EZH2: variants seen among roughly 807,000 people sequenced by gnomAD.
EZH2 encodes the protein histone-lysine N-methyltransferase EZH2.
In EZH2, 18 loss-of-function variants were observed where a neutral mutation model predicts 98.4. The ratio of observed to expected loss-of-function variants is 0.18; its 90% CI spans 0.13 to 0.27. The LOEUF (loss-of-function observed/expected upper bound fraction) is 0.27, where lower values mean the gene tolerates loss of function less well. Ranked by LOEUF, EZH2 falls within the 10% of genes least tolerant of loss-of-function variation. The pLI is 1.00. For synonymous variants in EZH2, 338 were observed against 312.3 expected (o/e 1.08, Z -0.87); for missense variants, 470 against 935.1 (o/e 0.50, Z 6.49).
At chr7:148,855,323 A>G (rs1816632774) in intron 1 of EZH2, among the ~76,000 whole-genome samples, 2 of 152,234 alleles carry the variant, frequency 1.3e-5, no homozygotes, top group African/African-American at 4.8e-5. Context: ...TAAACTAATA[A>G]GAGAAGAGTT....
intron 3 of EZH2, among the ~76,000 whole-genome samples, chr7:148,841,178 G>C (rs1812326376): frequency 6.6e-6 from 1 of 150,478 alleles, no homozygotes; most frequent in Non-Finnish European, 1.5e-5. Context: ...TATCACAAAT[G>C]ACCTTTTTTT....
At chr7:148,837,217 G>A (rs879854143) in intron 3 of EZH2, among the ~76,000 whole-genome samples, 5 of 152,190 alleles carry the variant, frequency 3.3e-5, no homozygotes, top group Admixed American at 2.0e-4. Flanking sequence ...CCATATAGTA[G>A]GGGAAAACAT....
At chr7:148,876,459 ACTT>A in intron 1 of EZH2, among the ~76,000 whole-genome samples, 1 of 152,196 alleles carries the variant, frequency 6.6e-6, no homozygotes, top group Non-Finnish European at 1.5e-5. Flanking sequence ...TGTAAATTAT[ACTT>A]CAATACAGTT....
chr7:148,868,828 A>G (rs1264325086), intron 1 of EZH2, among the ~76,000 whole-genome samples: 1 of 152,230 alleles, frequency 6.6e-6, no homozygotes, highest in Non-Finnish European at 1.5e-5. Context: ...AGACTAAGGC[A>G]CCCAATAAGA....
Position 148,814,900 on chromosome 7 carries a change from C to T in EZH2, c.1672+14G>A, listed in dbSNP as rs780777139. On this transcript the variant is annotated intron_variant, in intron 14 of 19. Coordinates refer to ENST00000320356, the MANE Select transcript of EZH2 (RefSeq NM_004456.5). ...TAGTTCTCATGCAATTGCATCAAAG[C>T]AACAAATACTTACACTCTGAACTAC... 4.3e-6 allele frequency: 7 copies of T among 1,609,636 alleles called. No individual in the cohort carries two copies. The Admixed American group carries it at 8.4e-5, about 19-fold the overall frequency.
At chr7:148,861,249 C>CA (rs1817623548) in intron 1 of EZH2, among the ~76,000 whole-genome samples, 1 of 140,598 alleles carries the variant, frequency 7.1e-6, no homozygotes, top group Non-Finnish European at 1.5e-5. Context: ...TTTTTGGAGA[C>CA]AGAGTCTCAC....
chr7:148,814,820 G>A (rs1804123491), intron 14 of EZH2, 94 bp downstream of exon 14: 1 of 1,427,718 alleles, frequency 7.0e-7, no homozygotes, highest in African/African-American at 1.4e-5. Context: ...GTAAACAAGG[G>A]AGTGCTCCCA....
At chr7:148,856,991 T>C (rs1816926202) in intron 1 of EZH2, among the ~76,000 whole-genome samples, 1 of 152,174 alleles carries the variant, frequency 6.6e-6, no homozygotes. Context: ...GTAATGTTTC[T>C]GTGAAAAAAA....
intron 3 of EZH2, among the ~76,000 whole-genome samples, chr7:148,845,854 C>T (rs1319350857): frequency 2.0e-5 from 3 of 152,142 alleles, no homozygotes; most frequent in African/African-American, 7.2e-5. Context: ...TAGACTTTTG[C>T]CATTTTCTTC....
intron 1 of EZH2, among the ~76,000 whole-genome samples, chr7:148,879,632 G>T (rs1449507350): frequency 1.6e-4 from 24 of 152,168 alleles, no homozygotes; most frequent in Non-Finnish European, 2.6e-4. Context: ...GGAGGTTGCA[G>T]TGAGCCAAGA....
At chr7:148,873,728 C>CA (rs939449685) in intron 1 of EZH2, among the ~76,000 whole-genome samples, 1 of 151,660 alleles carries the variant, frequency 6.6e-6, no homozygotes, top group African/African-American at 2.4e-5. Flanking sequence ...GAGTTGCTTA[C>CA]AGAAGAGAGG....
At chr7:148,855,681 T>C (rs533724707) in intron 1 of EZH2, among the ~76,000 whole-genome samples, 54 of 152,020 alleles carry the variant, frequency 3.6e-4, no homozygotes, top group African/African-American at 1.1e-3. Flanking sequence ...AGGTGGATCA[T>C]GAGGTCAAGA....
chr7:148,840,813 G>C (rs1812239281), intron 3 of EZH2, among the ~76,000 whole-genome samples: 1 of 152,094 alleles, frequency 6.6e-6, no homozygotes, highest in Admixed American at 6.5e-5. Context: ...AAAGTCCTCG[G>C]TCTAATGCAA....
intron 7 of EZH2, 112 bp from the exon 8 acceptor site, chr7:148,826,744 A>G: frequency 2.5e-6 from 2 of 801,724 alleles, no homozygotes; most frequent in Non-Finnish European, 3.6e-6. Flanking sequence ...TGCCTAAAAC[A>G]TAAAGGAATG....
At chr7:148,850,419 G>A (rs1286628521) in intron 1 of EZH2, 29 of 885,442 alleles carry the variant, frequency 3.3e-5, no homozygotes, top group Non-Finnish European at 3.8e-5. Context: ...TATTCTGGAA[G>A]ACTTTCCATG....
intron 3 of EZH2, among the ~76,000 whole-genome samples, chr7:148,844,794 A>C (rs2129484396): frequency 6.6e-6 from 1 of 152,308 alleles, no homozygotes; most frequent in East Asian, 1.9e-4. Flanking sequence ...ATACTCTTAA[A>C]TTTAATGCCA....
At chr7:148,881,372 G>A (rs1028810959) in intron 1 of EZH2, among the ~76,000 whole-genome samples, 4 of 152,016 alleles carry the variant, frequency 2.6e-5, no homozygotes, top group Non-Finnish European at 5.9e-5. Context: ...TTTTTAAATG[G>A]CCAACATAAA....
At chr7:148,823,005 C>CA (rs1417347121) in intron 8 of EZH2, among the ~76,000 whole-genome samples, 4 of 152,100 alleles carry the variant, frequency 2.6e-5, no homozygotes, top group Non-Finnish European at 4.4e-5. Flanking sequence ...ATCCTACCCT[C>CA]ATTCAAAGGA....
intron 3 of EZH2, among the ~76,000 whole-genome samples, chr7:148,843,264 G>A (rs1393468671): frequency 2.0e-5 from 3 of 151,196 alleles, no homozygotes; most frequent in Non-Finnish European, 2.9e-5. Context: ...TGTAGTCCTA[G>A]CTACTCAGGA....
Sources: allele counts gnomAD v4.1 joint callset (sites outside exome capture counted in the v4.1 genomes callset), GRCh38; gene constraint gnomAD v4.1.1; transcripts MANE v1.5; gene names NCBI Gene and HGNC (gene_info 2026-07-23, HGNC 2026-07-21).